The following ZNF469 variants were observed in gnomAD, a reference collection of about 807,000 sequenced individuals.
ZNF469 encodes zinc finger protein 469.
A neutral mutation model predicts 1.0 loss-of-function variants in ZNF469; 1 was observed. That is an observed-to-expected ratio of 1.00 (90% CI 0.35 to 4.73). The LOEUF is 4.73. ZNF469 is among the 30% of genes most tolerant of loss of function. ZNF469 has a pLI of 0.16. For synonymous variants in ZNF469, 2,703 were observed against 2,363.4 expected (o/e 1.14, Z -4.17); for missense variants, 6,100 against 5,356.3 (o/e 1.14, Z -4.33).
the ZNF469 span, among the ~76,000 whole-genome samples, chr16:88,319,064 C>G: frequency 2.6e-5 from 4 of 152,156 alleles, no homozygotes; most frequent in African/African-American, 9.6e-5. Context: ...AGGGCCTTGG[C>G]CACCAGGCTG....
the ZNF469 span, among the ~76,000 whole-genome samples, chr16:88,132,204 C>T: frequency 6.6e-6 from 1 of 152,350 alleles, no homozygotes; most frequent in South Asian, 2.1e-4. Context: ...CCCACCCCTA[C>T]CCAGGACGGG....
At chr16:88,251,536 G>GTGTTT in the ZNF469 span, among the ~76,000 whole-genome samples, 173 of 78,804 alleles carry the variant, frequency 2.2e-3, 11 homozygotes, top group Middle Eastern at 8.1e-3. Context: ...TGTCCCTGCT[G>GTGTTT]TCTTTTTTTT....
the ZNF469 span, among the ~76,000 whole-genome samples, chr16:88,373,912 G>A: frequency 2.4e-3 from 371 of 152,120 alleles, 3 homozygotes; most frequent in African/African-American, 8.4e-3. Context: ...CAGGATAATC[G>A]CTTGAACCCA....
the ZNF469 span, among the ~76,000 whole-genome samples, chr16:88,350,007 G>A: frequency 5.3e-5 from 8 of 151,640 alleles, no homozygotes; most frequent in East Asian, 5.9e-4. Flanking sequence ...CATGCAGCAC[G>A]CACAGCGTAC....
the ZNF469 span, among the ~76,000 whole-genome samples, chr16:88,193,217 T>TGGG: frequency 4.6e-4 from 54 of 116,892 alleles, no homozygotes; most frequent in Non-Finnish European, 7.3e-4. Context: ...GGGATGGTGG[T>TGGG]GATGGTGGTG....
the ZNF469 span, among the ~76,000 whole-genome samples, chr16:88,296,712 TCA>T: frequency 6.6e-6 from 1 of 150,546 alleles, no homozygotes; most frequent in East Asian, 2.0e-4. Context: ...ACCCATGCTC[TCA>T]CACATTCGCC....
chr16:88,335,747 A>G, the ZNF469 span, among the ~76,000 whole-genome samples: 4 of 152,268 alleles, frequency 2.6e-5, no homozygotes, highest in Non-Finnish European at 5.9e-5. Context: ...AACACCATGC[A>G]TGTTCATCCT....
the ZNF469 span, among the ~76,000 whole-genome samples, chr16:88,186,662 C>T: frequency 1.2e-3 from 180 of 152,244 alleles, no homozygotes; most frequent in African/African-American, 4.0e-3. Context: ...GGCAGAGGAT[C>T]GTGCGGCGGT....
In ZNF469 at chr16:88,439,146, C is replaced by T; in HGVS notation, c.11676C>T (p.Gly3892=). 2.6e-6 allele frequency: 4 copies of T among 1,550,730 alleles called. No individual in the cohort carries two copies. Among genetic ancestry groups the T allele is most frequent in the Non-Finnish European group, 3.5e-6 (4 of 1,146,984 alleles). The change falls in exon 3 of 3, where the codon GGC becomes GGT. Residue 3892 remains glycine, a synonymous_variant. Coordinates refer to ENST00000565624, the MANE Select transcript of ZNF469 (RefSeq NM_001367624.2). Reference sequence around the variant, plus strand: ...ACACACAGAGGAAGGACAGACTGGGCAAGGCCTTCCCCCAGGGGAGACCCC... The same window carrying T: ...ACACACAGAGGAAGGACAGACTGGGTAAGGCCTTCCCCCAGGGGAGACCCC... ...PGHTQRKDRL[G]KAFPQGRPLL... is the part of the protein sequence containing the mutation.
chr16:88,185,366 C>T, the ZNF469 span, among the ~76,000 whole-genome samples: 1 of 126,832 alleles, frequency 7.9e-6, no homozygotes, highest in Admixed American at 7.8e-5. Flanking sequence ...ACAAACATAC[C>T]TATACACTTG....
chr16:88,291,195 G>A, the ZNF469 span, among the ~76,000 whole-genome samples: 1 of 152,198 alleles, frequency 6.6e-6, no homozygotes, highest in Admixed American at 6.5e-5. Context: ...TGGACCCTGA[G>A]ATTTCTCCAG....
the ZNF469 span, among the ~76,000 whole-genome samples, chr16:88,137,789 A>G: frequency 6.6e-6 from 1 of 152,172 alleles, no homozygotes; most frequent in African/African-American, 2.4e-5. Context: ...GAGGAGGAGA[A>G]AGATGTTTGA....
At chr16:88,285,508 G>C in the ZNF469 span, among the ~76,000 whole-genome samples, 1 of 152,252 alleles carries the variant, frequency 6.6e-6, no homozygotes, top group Non-Finnish European at 1.5e-5. Flanking sequence ...GGGCCACAAA[G>C]AGCAGGGTCA....
rs1358851048 is a variant in ZNF469 at position 88,427,487 on chromosome 16, C to A, written c.17C>A (p.Pro6His). 4 of 1,524,408 alleles carry A rather than the reference C, an allele frequency of 2.6e-6. No individual in the cohort carries two copies. The Admixed American group carries it at 8.0e-5, about 30-fold the overall frequency. 94.4% of individuals were successfully genotyped at this position (1,524,408 alleles called of 1,614,324 possible). Residue 6 changes from proline to histidine, a missense_variant, in exon 3 of 3, where the codon CCC becomes CAC. Coordinates refer to ENST00000565624, the MANE Select transcript of ZNF469 (RefSeq NM_001367624.2). ...GGAGGGGCCATGCCTGGGGAGCGCCCCCGAGGAGCGCCGCCCCCCACCATG... is the reference window on the plus strand; with the variant it reads ...GGAGGGGCCATGCCTGGGGAGCGCCACCGAGGAGCGCCGCCCCCCACCATG... MPGER[P>H]RGAPPPTMTG...
chr16:88,227,108 ACCCGTCCCTCCTCCACGCCGGGG>A, the ZNF469 span, among the ~76,000 whole-genome samples: 7 of 111,582 alleles, frequency 6.3e-5, 1 homozygote, highest in South Asian at 2.8e-4. Flanking sequence ...GCGCGTTTCC[ACCCGTCCCTCCTCCACGCCGGGG>A]CCTCCACACT....
the ZNF469 span, among the ~76,000 whole-genome samples, chr16:88,143,540 C>G: frequency 6.6e-6 from 1 of 152,172 alleles, no homozygotes; most frequent in African/African-American, 2.4e-5. Flanking sequence ...CTCTGCTCCC[C>G]CCATGCGTGG....
At chr16:88,308,494 A>G in the ZNF469 span, among the ~76,000 whole-genome samples, 1 of 152,194 alleles carries the variant, frequency 6.6e-6, no homozygotes, top group Non-Finnish European at 1.5e-5. Flanking sequence ...TGAAAGGGCC[A>G]GTTCTTCCCA....
chr16:88,229,025 C>G, the ZNF469 span, among the ~76,000 whole-genome samples: 1 of 152,186 alleles, frequency 6.6e-6, no homozygotes, highest in African/African-American at 2.4e-5. Context: ...CATCTGCAGT[C>G]CACGGTCAAC....
intron 1 of ZNF469, among the ~76,000 whole-genome samples, 69 bp downstream of exon 1, chr16:88,383,323 G>A (rs1172097730): frequency 6.8e-6 from 1 of 147,532 alleles, no homozygotes; most frequent in Non-Finnish European, 1.5e-5. Context: ...CGGGGCGGGG[G>A]TGTCACCGGG....
Sources: allele counts gnomAD v4.1 joint callset (sites outside exome capture counted in the v4.1 genomes callset), GRCh38; gene constraint gnomAD v4.1.1; transcripts MANE v1.5; gene names NCBI Gene and HGNC (gene_info 2026-07-23, HGNC 2026-07-21).